The following GRIN2A variants were observed in gnomAD, a reference collection of about 807,000 sequenced individuals.
The protein encoded by GRIN2A is glutamate ionotropic receptor NMDA type subunit 2A.
GRIN2A carries 22 observed loss-of-function variants against 113.4 expected under a neutral mutation model. The ratio of observed to expected loss-of-function variants is 0.19; its 90% CI spans 0.14 to 0.28. The LOEUF (loss-of-function observed/expected upper bound fraction) is 0.28, where lower values mean the gene tolerates loss of function less well. Among genes scored for constraint, GRIN2A ranks in the 10% least tolerant of loss-of-function variants. The pLI is 1.00. For synonymous variants in GRIN2A, 827 were observed against 738.4 expected (o/e 1.12, Z -1.94); for missense variants, 1,502 against 1,887.0 (o/e 0.80, Z 3.78).
chr16:9,797,515 A>T lies in GRIN2A; in HGVS notation c.2356+762T>A, dbSNP rs138466587. ...GGCTTTACAGTTCTATAAATGCCACAGTCTCATTAGACTGCAATAGAGATT... is the reference window on the plus strand; with the variant it reads ...GGCTTTACAGTTCTATAAATGCCACTGTCTCATTAGACTGCAATAGAGATT... On this transcript the variant is annotated intron_variant, in intron 11 of 12. Transcript: ENST00000330684. Among the ~76,000 whole-genome samples, 218 of 152,344 alleles carry T rather than the reference A, an allele frequency of 1.4e-3. 1 individual carries two copies. Among genetic ancestry groups the T allele is most frequent in the African/African-American group, 5.0e-3 (206 of 41,584 alleles).
intron 4 of GRIN2A, among the ~76,000 whole-genome samples, chr16:9,858,951 A>C (rs2043014683): frequency 6.6e-6 from 1 of 152,210 alleles, no homozygotes; most frequent in South Asian, 2.1e-4. Flanking sequence ...ACAAGAGACA[A>C]TTAAAATAAC....
At chr16:9,889,998 G>C (rs2043662132) in intron 4 of GRIN2A, among the ~76,000 whole-genome samples, 1 of 152,090 alleles carries the variant, frequency 6.6e-6, no homozygotes, top group Non-Finnish European at 1.5e-5. Context: ...ATCTGTCATT[G>C]TCTCCCCAGA....
chr16:10,014,042 A>T (rs1165783410), intron 2 of GRIN2A, among the ~76,000 whole-genome samples: 1 of 152,190 alleles, frequency 6.6e-6, no homozygotes, highest in Non-Finnish European at 1.5e-5. Context: ...TGACTTCGTT[A>T]TTTGATGCCT....
intron 2 of GRIN2A, 117 bp downstream of exon 2, chr16:10,179,881 C>A: frequency 1.7e-6 from 1 of 578,542 alleles, no homozygotes; most frequent in Non-Finnish European, 3.2e-6. Context: ...ACGACCCTCC[C>A]ACCCCCACCC....
intron 2 of GRIN2A, among the ~76,000 whole-genome samples, chr16:10,050,410 C>G (rs2047337823): frequency 6.6e-6 from 1 of 152,160 alleles, no homozygotes; most frequent in African/African-American, 2.4e-5. Flanking sequence ...CCATTGCTTG[C>G]ATTACCACCT....
At chr16:9,973,617 G>A (rs913210375) in intron 2 of GRIN2A, among the ~76,000 whole-genome samples, 1 of 152,006 alleles carries the variant, frequency 6.6e-6, no homozygotes. Flanking sequence ...ACCATGCTAG[G>A]CACATCACAG....
chr16:9,780,261 A>G (rs1901863623), intron 11 of GRIN2A, among the ~76,000 whole-genome samples: 1 of 152,238 alleles, frequency 6.6e-6, no homozygotes, highest in Non-Finnish European at 1.5e-5. Flanking sequence ...ATTCCTAGGT[A>G]TATTTCCAAA....
chr16:10,037,018 C>G (rs987346804), intron 2 of GRIN2A: 1 of 152,160 alleles, frequency 6.6e-6, no homozygotes, highest in African/African-American at 2.4e-5. Context: ...CACCTCTGAT[C>G]CCAGGAGGAT....
chr16:9,875,142 G>A (rs900258637), intron 4 of GRIN2A, among the ~76,000 whole-genome samples: 2 of 151,772 alleles, frequency 1.3e-5, no homozygotes, highest in African/African-American at 4.8e-5. Flanking sequence ...GACTACAGGT[G>A]GCTCCTCACT....
chr16:10,015,215 C>T (rs375976124), intron 2 of GRIN2A, among the ~76,000 whole-genome samples: 12 of 127,326 alleles, frequency 9.4e-5, no homozygotes, highest in South Asian at 2.5e-4. Context: ...ATCGCACCAC[C>T]GCACTCCAGC....
At chr16:9,873,558 CAACAACA>C (rs1313891159) in intron 4 of GRIN2A, among the ~76,000 whole-genome samples, 2 of 148,264 alleles carry the variant, frequency 1.3e-5, no homozygotes, top group African/African-American at 2.5e-5. Flanking sequence ...ACAACAACAA[CAACAACA>C]AACAAACAAA....
At chr16:10,009,529 C>T (rs1017939835) in intron 2 of GRIN2A, among the ~76,000 whole-genome samples, 1 of 152,064 alleles carries the variant, frequency 6.6e-6, no homozygotes, top group Non-Finnish European at 1.5e-5. Context: ...ACGGCACAAC[C>T]CCTAGACTCA....
At chr16:10,071,335 G>T (rs2047746443) in intron 2 of GRIN2A, among the ~76,000 whole-genome samples, 1 of 152,196 alleles carries the variant, frequency 6.6e-6, no homozygotes, top group Non-Finnish European at 1.5e-5. Flanking sequence ...TGGAATTACT[G>T]ACAGATCCAG....
chr16:10,117,061 GAAAA>G (rs111371826), intron 2 of GRIN2A, among the ~76,000 whole-genome samples: 19 of 139,896 alleles, frequency 1.4e-4, no homozygotes, highest in Admixed American at 3.6e-4. Flanking sequence ...TCAAGTGACT[GAAAA>G]AAAAAAAAAA....
At chr16:9,965,498 ACT>A (rs1052981629) in intron 2 of GRIN2A, among the ~76,000 whole-genome samples, 7 of 152,080 alleles carry the variant, frequency 4.6e-5, no homozygotes, top group African/African-American at 1.4e-4. Context: ...TAGTGAACAA[ACT>A]CTACCTCCCC....
At chr16:9,942,855 C>A (rs1182078089) in intron 2 of GRIN2A, among the ~76,000 whole-genome samples, 2 of 152,142 alleles carry the variant, frequency 1.3e-5, no homozygotes, top group Non-Finnish European at 2.9e-5. Context: ...TCTTAAAATT[C>A]AACCCAAAAA....
chr16:10,135,648 G>A (rs1596542177), intron 2 of GRIN2A, among the ~76,000 whole-genome samples: 2 of 152,250 alleles, frequency 1.3e-5, no homozygotes, highest in Admixed American at 1.3e-4. Context: ...CAAGGAATTG[G>A]CTTACATGAT....
At chr16:10,096,503 T>C (rs185969376) in intron 2 of GRIN2A, among the ~76,000 whole-genome samples, 2 of 151,448 alleles carry the variant, frequency 1.3e-5, no homozygotes, top group East Asian at 3.9e-4. Flanking sequence ...TAACTAATAG[T>C]GTTCTTCTTT....
At position 9,832,033 on chromosome 16, in the gene GRIN2A, C is replaced by T. The variant is rs114720734; in HGVS notation, c.1777+2072G>A. Reference sequence around the variant, plus strand: ...TCCTGGGCTCAAGTAATTCTCCTACCTCAGCCTTCTGAGTAGCCGGGAATA... The same window carrying T: ...TCCTGGGCTCAAGTAATTCTCCTACTTCAGCCTTCTGAGTAGCCGGGAATA... On this transcript the variant is annotated intron_variant, in intron 8 of 12. Coordinates refer to ENST00000330684, the MANE Select transcript of GRIN2A (RefSeq NM_001134407.3). Among the ~76,000 whole-genome samples, 382 of 152,208 alleles carry T rather than the reference C, an allele frequency of 2.5e-3. 1 individual carries two copies. The highest frequency in any genetic ancestry group is 8.7e-3 in the African/African-American group (362 of 41,520).
Sources: allele counts gnomAD v4.1 joint callset (sites outside exome capture counted in the v4.1 genomes callset), GRCh38; gene constraint gnomAD v4.1.1; transcripts MANE v1.5; gene names NCBI Gene and HGNC (gene_info 2026-07-23, HGNC 2026-07-21).